Variants in MAP4K3 observed in about 807,000 individuals in gnomAD.
MAP4K3 encodes mitogen-activated protein kinase kinase kinase kinase 3.
In MAP4K3, 94 loss-of-function variants were observed where a neutral mutation model predicts 143.5. The observed-to-expected ratio is 0.65, with a 90% CI of 0.55 to 0.78. MAP4K3 has a LOEUF of 0.78. Among genes scored for constraint, MAP4K3 ranks in the 30% least tolerant of loss-of-function variants. MAP4K3 has a pLI of 0.00. For synonymous variants in MAP4K3, 416 were observed against 347.2 expected (o/e 1.20, Z -2.20); for missense variants, 1,077 against 1,068.1 (o/e 1.01, Z -0.12).
chr2:39,284,909 G>A lies in MAP4K3; in HGVS notation c.1587+1943C>T, dbSNP rs528279243. On this transcript the variant is annotated intron_variant, in intron 21 of 33. Coordinates refer to ENST00000263881, the MANE Select transcript of MAP4K3 (RefSeq NM_003618.4). The stretch of plus-strand genomic sequence containing the variant: ...ATTTATTATCATTTAATTTTTTTTA[G>A]AGATATGGTCTTGCTCTGTCACCCA... Among the ~76,000 whole-genome samples the A allele has an allele frequency of 3.3e-5, 5 of 151,502 alleles. No individual in the cohort carries two copies. The South Asian group carries it at 1.0e-3, about 32-fold the overall frequency.
At chr2:39,414,608 G>T (rs958271259) in intron 1 of MAP4K3, among the ~76,000 whole-genome samples, 58 of 152,222 alleles carry the variant, frequency 3.8e-4, no homozygotes, top group African/African-American at 1.4e-3. Flanking sequence ...GGGTGCGGTG[G>T]CTCACGCCTG....
At chr2:39,292,652 G>C in intron 18 of MAP4K3, 121 bp downstream of exon 18, 1 of 800,892 alleles carries the variant, frequency 1.2e-6, no homozygotes, top group Non-Finnish European at 2.2e-6. Flanking sequence ...AGGAAACTGA[G>C]ATACAACCCA....
intron 1 of MAP4K3, among the ~76,000 whole-genome samples, chr2:39,402,423 T>C (rs943128480): frequency 1.3e-5 from 2 of 152,016 alleles, no homozygotes; most frequent in African/African-American, 2.4e-5. Context: ...GCAAGAGAAA[T>C]GAGCAGAAAG....
At chr2:39,379,555 G>A (rs1451379038) in intron 1 of MAP4K3, among the ~76,000 whole-genome samples, 1 of 151,994 alleles carries the variant, frequency 6.6e-6, no homozygotes, top group Non-Finnish European at 1.5e-5. Context: ...ATCATTCTGG[G>A]AGCATTCTGT....
rs1344284447 is a variant in MAP4K3, at chr2:39,398,782, C to T, written c.97-20659G>A. Among the ~76,000 whole-genome samples, 5 of 149,674 alleles carry T rather than the reference C, an allele frequency of 3.3e-5. No individual in the cohort carries two copies. In the East Asian group the frequency reaches 7.8e-4, roughly 23 times the overall value. On this transcript the variant is annotated intron_variant, in intron 1 of 33. Coordinates refer to ENST00000263881, the MANE Select transcript of MAP4K3 (RefSeq NM_003618.4). ...ATAATTGGCCAGGCATTGGCTCATGCCTATAATCCCAGCACTTTGGGAGGC... is the reference window on the plus strand; with the variant it reads ...ATAATTGGCCAGGCATTGGCTCATGTCTATAATCCCAGCACTTTGGGAGGC...
At chr2:39,253,477 A>T (rs1680229141) in intron 32 of MAP4K3, among the ~76,000 whole-genome samples, 1 of 152,178 alleles carries the variant, frequency 6.6e-6, no homozygotes, top group Non-Finnish European at 1.5e-5. Flanking sequence ...AACCAGGCCA[A>T]GCACATTACA....
At chr2:39,380,904 TACTA>T (rs1208139991) in intron 1 of MAP4K3, among the ~76,000 whole-genome samples, 7 of 152,290 alleles carry the variant, frequency 4.6e-5, no homozygotes, top group Non-Finnish European at 1.0e-4. Flanking sequence ...TATGTAACTA[TACTA>T]ACTAATTTTA....
intron 1 of MAP4K3, among the ~76,000 whole-genome samples, chr2:39,420,857 A>G (rs759461800): frequency 5.9e-5 from 9 of 152,124 alleles, no homozygotes; most frequent in Admixed American, 3.3e-4. Flanking sequence ...CCTCTTGACG[A>G]TATTTCCCTA....
chr2:39,382,318 A>G (rs1666374327), intron 1 of MAP4K3, among the ~76,000 whole-genome samples: 1 of 152,208 alleles, frequency 6.6e-6, no homozygotes, highest in Admixed American at 6.5e-5. Context: ...ACATCTGACC[A>G]TCATCTACTA....
intron 12 of MAP4K3, among the ~76,000 whole-genome samples, chr2:39,317,451 AAAC>A (rs1326147657): frequency 1.3e-5 from 2 of 152,222 alleles, no homozygotes; most frequent in African/African-American, 2.4e-5. Flanking sequence ...ACAGCAAAAG[AAAC>A]TATCAACAGA....
intron 6 of MAP4K3, among the ~76,000 whole-genome samples, chr2:39,335,032 C>CT (rs1229539013): frequency 6.6e-6 from 1 of 151,986 alleles, no homozygotes; most frequent in African/African-American, 2.4e-5. Flanking sequence ...ATTTGAAGAC[C>CT]TGGGGCTAGA....
rs1474226065 is a variant in MAP4K3, at chr2:39,325,629, C to T, written c.808-1G>A. ...TCAAATGTTGTGTTACAAAAGGATG[C>T]TATAAAAATTAAATACAATGCAGAA... On this transcript the variant is annotated splice_acceptor_variant, in intron 11 of 33. Transcript: ENST00000263881. LOFTEE classifies it high-confidence loss of function. The T allele has an allele frequency of 1.2e-6, 2 of 1,608,502 alleles. No individual in the cohort carries two copies. Among genetic ancestry groups the T allele is most frequent in the Non-Finnish European group, 1.7e-6 (2 of 1,175,742 alleles).
At chr2:39,327,708 T>A (rs1484063004) in intron 8 of MAP4K3, among the ~76,000 whole-genome samples, 2 of 151,672 alleles carry the variant, frequency 1.3e-5, no homozygotes, top group African/African-American at 4.9e-5. Flanking sequence ...TTATGAAAAT[T>A]TAAATTACTA....
chr2:39,291,072 A>G (rs1462730500), intron 18 of MAP4K3, among the ~76,000 whole-genome samples: 1 of 152,180 alleles, frequency 6.6e-6, no homozygotes, highest in African/African-American at 2.4e-5. Context: ...CTCAAAAAAC[A>G]AAACAAAACA....
intron 13 of MAP4K3, among the ~76,000 whole-genome samples, chr2:39,314,284 C>A (rs1477544611): frequency 6.6e-6 from 1 of 152,184 alleles, no homozygotes; most frequent in East Asian, 1.9e-4. Flanking sequence ...CCCGCCTCGG[C>A]CTCCCAAAGT....
At chr2:39,283,963 T>C (rs780755093) in intron 21 of MAP4K3, among the ~76,000 whole-genome samples, 71 of 152,346 alleles carry the variant, frequency 4.7e-4, no homozygotes, top group Non-Finnish European at 8.2e-4. Flanking sequence ...ATTTCATATA[T>C]ACAACATAAA....
chr2:39,363,668 C>CAAAA lies in MAP4K3; in HGVS notation c.155-7333_155-7330dup, dbSNP rs34083007. On this transcript the variant is annotated intron_variant, in intron 2 of 33. Transcript: ENST00000263881. ...TGGGCAATAGAGTGAGACTCTGTCT[C>CAAAA]AAAAAAAAAAAAAAAAAAAAAGAGC... Among the ~76,000 whole-genome samples, 586 of 78,432 alleles carry CAAAA rather than the reference C, an allele frequency of 7.5e-3. 6 individuals are homozygous for CAAAA. Among genetic ancestry groups the CAAAA allele is most frequent in the East Asian group, 0.011 (29 of 2,574 alleles). 51.5% of individuals were successfully genotyped at this position (78,432 alleles called of 152,430 possible).
At chr2:39,431,896 T>C (rs1434062124) in intron 1 of MAP4K3, among the ~76,000 whole-genome samples, 1 of 152,138 alleles carries the variant, frequency 6.6e-6, no homozygotes, top group Admixed American at 6.5e-5. Context: ...GTGGTGAAAC[T>C]AGGCAGCCTG....
At chr2:39,295,939 G>C (rs994419481) in intron 16 of MAP4K3, among the ~76,000 whole-genome samples, 3 of 152,110 alleles carry the variant, frequency 2.0e-5, no homozygotes, top group African/African-American at 7.2e-5. Flanking sequence ...GGCTGGTCTT[G>C]AACTCCCGGC....
Sources: gnomAD v4.1 joint callset for allele counts (sites outside exome capture counted in the v4.1 genomes callset) on GRCh38, gnomAD v4.1.1 for gene constraint, MANE v1.5 for transcripts, NCBI Gene and HGNC (gene_info 2026-07-23, HGNC 2026-07-21) for gene names.